Variants in ABHD2 observed in about 807,000 individuals in gnomAD.
ABHD2 encodes abhydrolase domain containing 2, acylglycerol lipase, also known as monoacylglycerol lipase ABHD2.
In ABHD2, 20 loss-of-function variants were observed where a neutral mutation model predicts 48.1. The ratio of observed to expected loss-of-function variants is 0.42; its 90% confidence interval spans 0.29 to 0.60. The LOEUF (loss-of-function observed/expected upper bound fraction) is 0.60, where lower values mean the gene tolerates loss of function less well. Among genes scored for constraint, ABHD2 ranks in the 20% least tolerant of loss-of-function variants. The pLI is 0.24. For synonymous variants in ABHD2, 209 were observed against 214.2 expected (o/e 0.98, Z 0.21); for missense variants, 405 against 550.9 (o/e 0.74, Z 2.65).
intron 3 of ABHD2, among the ~76,000 whole-genome samples, chr15:89,148,847 G>A (rs1228992214): frequency 6.6e-6 from 1 of 152,156 alleles, no homozygotes; most frequent in Non-Finnish European, 1.5e-5. Flanking sequence ...CATTTTAGCA[G>A]CATTTCTTCA....
chr15:89,177,679 C>G lies in ABHD2; in HGVS notation c.722+1684C>G, dbSNP rs1035841119. 2.0e-5 allele frequency among the ~76,000 whole-genome samples: 3 copies of G among 152,046 alleles called. No individual in the cohort carries two copies. The highest frequency in any genetic ancestry group is 4.8e-5 in the African/African-American group (2 of 41,394). ...ACTCCTCTGGACACTGGGGAGTCAGCTGAGAGGACATGTGCCTTTATCTTG... is the reference window on the plus strand; with the variant it reads ...ACTCCTCTGGACACTGGGGAGTCAGGTGAGAGGACATGTGCCTTTATCTTG... On this transcript the variant is annotated intron_variant, in intron 6 of 10. Coordinates refer to ENST00000352732, the MANE Select transcript of ABHD2 (RefSeq NM_152924.5). This position sits in a 1 kb window ranked among gnomAD's most constrained non-coding sequence, Gnocchi z 5.6.
upstream of ABHD2, among the ~76,000 whole-genome samples, chr15:89,083,966 A>T (rs2150758929): frequency 6.6e-6 from 1 of 152,280 alleles, no homozygotes; most frequent in South Asian, 2.1e-4. The surrounding 1 kb of genome is among the most constrained non-coding windows in gnomAD (Gnocchi z 5.1). Flanking sequence ...ACCGGCTGTG[A>T]CAATAAAGCC....
chr15:89,070,978 GC>G, the ABHD2 span, among the ~76,000 whole-genome samples: 5 of 151,782 alleles, frequency 3.3e-5, no homozygotes, highest in Admixed American at 2.6e-4. Flanking sequence ...CCTGAAGTGT[GC>G]CCCCCGCTTG....
At chr15:89,141,025 G>A (rs1253659093) in intron 3 of ABHD2, among the ~76,000 whole-genome samples, 2 of 151,732 alleles carry the variant, frequency 1.3e-5, no homozygotes, top group Non-Finnish European at 2.9e-5. Context: ...CTGGAGTGCA[G>A]TGGCCCGATC....
intron 5 of ABHD2, among the ~76,000 whole-genome samples, chr15:89,162,982 C>G (rs900446416): frequency 1.3e-5 from 2 of 152,178 alleles, no homozygotes; most frequent in Non-Finnish European, 2.9e-5. Flanking sequence ...TAAAATGATA[C>G]TTTACAAACT....
At chr15:89,049,432 T>C in the ABHD2 span, among the ~76,000 whole-genome samples, 3 of 152,254 alleles carry the variant, frequency 2.0e-5, no homozygotes, top group Admixed American at 6.5e-5. Flanking sequence ...TCGAGCTTCC[T>C]GGCTGCTTTG....
rs1400999608 is a variant in ABHD2 at position 89,197,309 on chromosome 15, T to A, written c.*1886T>A. 1.3e-5 allele frequency: 2 copies of A among 152,636 alleles called. No individual in the cohort carries two copies. Among genetic ancestry groups the A allele is most frequent in the Non-Finnish European group, 2.9e-5 (2 of 68,050 alleles). 9.5% of individuals were successfully genotyped at this position (152,636 alleles called of 1,614,324 possible). A position where few individuals can be genotyped will look rare whatever the true frequency, so the allele number is the denominator to read the frequency against. ...TCACCAGCCTCTATCATTATGACTT[T>A]CCCCCCAGTGTATTATTTCTCTAAT... On this transcript the variant is annotated 3_prime_UTR_variant, in exon 11 of 11. Coordinates refer to ENST00000352732, the MANE Select transcript of ABHD2 (RefSeq NM_152924.5). This position sits in a 1 kb window ranked among gnomAD's most constrained non-coding sequence, Gnocchi z 4.4.
Position 89,093,155 on chromosome 15 carries a change from C to T in ABHD2, c.-107+4592C>T, listed in dbSNP as rs539469139. Among the ~76,000 whole-genome samples, 4 of 149,198 alleles carry T rather than the reference C, an allele frequency of 2.7e-5. No homozygotes were observed. The South Asian group carries it at 6.4e-4, about 24-fold the overall frequency. ...TTCCTGGCCTCCCCAAGTCACATTT[C>T]CAGCATCTTTTTTCATTCTTTTTTT... On this transcript the variant is annotated intron_variant, in intron 1 of 10. Coordinates refer to ENST00000352732, the MANE Select transcript of ABHD2 (RefSeq NM_152924.5).
At chr15:89,192,751 G>A (rs755843853) in intron 9 of ABHD2, among the ~76,000 whole-genome samples, 5 of 152,120 alleles carry the variant, frequency 3.3e-5, no homozygotes, top group Non-Finnish European at 7.4e-5. Context: ...GTCTCACTAT[G>A]TTTCCCAGGC....
At position 89,151,591 on chromosome 15, in the gene ABHD2, T is replaced by C; in HGVS notation, c.195-86T>C. ...GTGCAGAATTTCCCTGGAACAAAAA[T>C]AGGTTGAAAGAGTTTTGCTAAAAGA... On this transcript the variant is annotated intron_variant, in intron 3 of 10. Coordinates refer to ENST00000352732, the MANE Select transcript of ABHD2 (RefSeq NM_152924.5). This position sits in a 1 kb window ranked among gnomAD's most constrained non-coding sequence, Gnocchi z 4.7. 1.4e-6 allele frequency: 2 copies of C among 1,447,878 alleles called. No individual in the cohort carries two copies. Among genetic ancestry groups the C allele is most frequent in the East Asian group, 4.6e-5 (2 of 43,646 alleles). 89.7% of individuals were successfully genotyped at this position (1,447,878 alleles called of 1,614,324 possible).
chr15:89,047,806 G>A, the ABHD2 span, among the ~76,000 whole-genome samples: 728 of 147,300 alleles, frequency 4.9e-3, 14 homozygotes, highest in African/African-American at 0.017. Flanking sequence ...CATGTGAGAT[G>A]GGTTTCCTGA....
chr15:89,170,609 T>A (rs1057328504), intron 5 of ABHD2, among the ~76,000 whole-genome samples: 1 of 152,180 alleles, frequency 6.6e-6, no homozygotes, highest in African/African-American at 2.4e-5. Flanking sequence ...CATGAACAGA[T>A]GTTACCACAT....
chr15:89,188,639 G>A lies in ABHD2; in HGVS notation c.926+336G>A, dbSNP rs931602782. 1.3e-5 allele frequency among the ~76,000 whole-genome samples: 2 copies of A among 152,162 alleles called. No homozygotes were observed. The highest frequency in any genetic ancestry group is 4.8e-5 in the African/African-American group (2 of 41,422). On this transcript the variant is annotated intron_variant, in intron 8 of 10. Transcript: ENST00000352732. This position sits in a 1 kb window ranked among gnomAD's most constrained non-coding sequence, Gnocchi z 4.1. Reference sequence around the variant, plus strand: ...GCCTCAACACCAGGGCAAGTGTCAGGTGCCACATAAATCTGCATTTCGCAG... The same window carrying A: ...GCCTCAACACCAGGGCAAGTGTCAGATGCCACATAAATCTGCATTTCGCAG...
Position 89,189,456 on chromosome 15 carries a change from G to A in ABHD2, c.926+1153G>A, listed in dbSNP as rs148478943. 5.7e-3 allele frequency among the ~76,000 whole-genome samples: 871 copies of A among 152,318 alleles called. 11 individuals carry two copies. The highest frequency in any genetic ancestry group is 8.2e-3 in the Non-Finnish European group (561 of 68,028). ...TACAGTGAGCTATGGTCCCAACACT[G>A]CACTGGAGCCCAGCCTGGGCAACAG... On this transcript the variant is annotated intron_variant, in intron 8 of 10. Transcript: ENST00000352732. The surrounding 1 kb of genome is among the most constrained non-coding windows in gnomAD (Gnocchi z 4.9).
At chr15:89,152,183 C>T (rs2050603736) in intron 4 of ABHD2, among the ~76,000 whole-genome samples, 1 of 151,850 alleles carries the variant, frequency 6.6e-6, no homozygotes, top group African/African-American at 2.4e-5. Flanking sequence ...TCACTCCATT[C>T]GCCTGCCTCA....
chr15:89,182,858 T>A lies in ABHD2; in HGVS notation c.723-2566T>A, dbSNP rs1320558324. 2.0e-5 allele frequency among the ~76,000 whole-genome samples: 3 copies of A among 152,168 alleles called. No individual in the cohort carries two copies. The highest frequency in any genetic ancestry group is 2.0e-4 in the Admixed American group (3 of 15,276). On this transcript the variant is annotated intron_variant, in intron 6 of 10. Transcript: ENST00000352732. This position sits in a 1 kb window ranked among gnomAD's most constrained non-coding sequence, Gnocchi z 4.8. ...GGTATTTGTGCAGTGTCTAGAGAGC[T>A]AAACTCCCCTGGTTTCGTGCCCATT...
At chr15:89,136,900 G>A (rs536881423) in intron 3 of ABHD2, among the ~76,000 whole-genome samples, 1 of 152,364 alleles carries the variant, frequency 6.6e-6, no homozygotes, top group African/African-American at 2.4e-5. Flanking sequence ...GCATCTATGT[G>A]CATGTCCTCA....
the ABHD2 span, among the ~76,000 whole-genome samples, chr15:89,042,379 G>A: frequency 6.6e-6 from 1 of 152,036 alleles, no homozygotes. Context: ...TAAAAACTGA[G>A]ACACTTTTCT....
the ABHD2 span, among the ~76,000 whole-genome samples, chr15:89,053,589 C>A: frequency 6.6e-6 from 1 of 152,064 alleles, no homozygotes; most frequent in Non-Finnish European, 1.5e-5. Flanking sequence ...AGTGTAAGGC[C>A]CTCAAAGAAG....
Sources: gnomAD v4.1 joint callset for allele counts (sites outside exome capture counted in the v4.1 genomes callset) on GRCh38, gnomAD v4.1.1 for gene constraint, Gnocchi (gnomAD v3.1) non-coding constraint, MANE v1.5 for transcripts, NCBI Gene and HGNC (gene_info 2026-07-23, HGNC 2026-07-21) for gene names.